PTPRG: variants seen among roughly 807,000 people sequenced by gnomAD.
PTPRG encodes receptor-type tyrosine-protein phosphatase gamma.
PTPRG carries 102 observed loss-of-function variants against 165.3 expected under a neutral mutation model. That is an observed-to-expected ratio of 0.62 (90% CI 0.53 to 0.73). The LOEUF is 0.73. PTPRG is among the 30% of genes least tolerant of loss of function. PTPRG has a pLI of 0.00. For synonymous variants in PTPRG, 675 were observed against 669.5 expected (o/e 1.01, Z -0.13); for missense variants, 1,866 against 1,861.4 (o/e 1.00, Z -0.05).
intron 3 of PTPRG, among the ~76,000 whole-genome samples, chr3:61,994,760 C>T (rs2040979685): frequency 6.6e-6 from 1 of 152,200 alleles, no homozygotes; most frequent in Admixed American, 6.5e-5. Flanking sequence ...TCTTAACAAC[C>T]TTGGTCACTT....
Position 62,238,505 on chromosome 3 carries a change from A to G in PTPRG, c.2376-5302A>G, listed in dbSNP as rs1449355737. Reference sequence around the variant, plus strand: ...CATAGAAACTGAAATTAATTTTCCTACCAGACAAGTATAGCAGTCCACAAG... The same window carrying G: ...CATAGAAACTGAAATTAATTTTCCTGCCAGACAAGTATAGCAGTCCACAAG... On this transcript the variant is annotated intron_variant, in intron 14 of 29. Transcript: ENST00000474889. Among the ~76,000 whole-genome samples the G allele has an allele frequency of 5.3e-5, 8 of 152,282 alleles. No individual in the cohort carries two copies. The East Asian group carries it at 1.5e-3, about 29-fold the overall frequency.
intron 4 of PTPRG, among the ~76,000 whole-genome samples, chr3:62,068,272 G>A (rs1272993703): frequency 6.6e-6 from 1 of 152,068 alleles, no homozygotes; most frequent in Non-Finnish European, 1.5e-5. Context: ...CAGGGGAAAG[G>A]GTAGGCAGGG....
At chr3:61,653,558 A>G (rs1363107322) in intron 1 of PTPRG, among the ~76,000 whole-genome samples, 1 of 152,130 alleles carries the variant, frequency 6.6e-6, no homozygotes, top group African/African-American at 2.4e-5. Context: ...GGTACCTTGG[A>G]TAGAACAGTG....
chr3:62,141,264 G>T (rs1703915256), intron 6 of PTPRG, among the ~76,000 whole-genome samples: 2 of 152,060 alleles, frequency 1.3e-5, no homozygotes, highest in African/African-American at 2.4e-5. Flanking sequence ...GAATCTAAGA[G>T]ATTCCATTTC....
intron 6 of PTPRG, among the ~76,000 whole-genome samples, chr3:62,133,072 A>T (rs932146650): frequency 2.6e-5 from 4 of 152,206 alleles, no homozygotes; most frequent in African/African-American, 9.6e-5. Flanking sequence ...AAGTTATTAA[A>T]CTTTGCAGCA....
chr3:61,797,572 T>C (rs1351258017), intron 2 of PTPRG, among the ~76,000 whole-genome samples: 1 of 139,780 alleles, frequency 7.2e-6, no homozygotes, highest in East Asian at 2.3e-4. Context: ...TGGAGTCATT[T>C]ATCTCCACAC....
chr3:61,667,756 T>C (rs1702849635), intron 1 of PTPRG, among the ~76,000 whole-genome samples: 1 of 150,650 alleles, frequency 6.6e-6, no homozygotes, highest in Non-Finnish European at 1.5e-5. Flanking sequence ...CTGGGAAACA[T>C]AGTGAGACTT....
intron 1 of PTPRG, among the ~76,000 whole-genome samples, chr3:61,710,633 A>G (rs1454371261): frequency 6.6e-6 from 1 of 151,746 alleles, no homozygotes; most frequent in Non-Finnish European, 1.5e-5. Flanking sequence ...TTTAAAGCTC[A>G]TTAGCTATTG....
chr3:61,676,903 G>C (rs947777985), intron 1 of PTPRG, among the ~76,000 whole-genome samples: 7 of 152,094 alleles, frequency 4.6e-5, no homozygotes, highest in African/African-American at 1.7e-4. Context: ...AGTATTATCT[G>C]TCCTGTGAGC....
chr3:62,074,348 CTTTCTTTTTTTTT>C (rs1208699698), intron 4 of PTPRG, among the ~76,000 whole-genome samples: 1 of 114,278 alleles, frequency 8.8e-6, no homozygotes, highest in Admixed American at 9.6e-5. Flanking sequence ...CTTTTCTTTT[CTTTCTTTTTTTTT>C]TTTTTTTTTT....
intron 1 of PTPRG, among the ~76,000 whole-genome samples, chr3:61,613,573 T>TGA (rs1701232251): frequency 6.6e-6 from 1 of 152,198 alleles, no homozygotes; most frequent in Admixed American, 6.5e-5. Context: ...CAATCTTTGA[T>TGA]GAGATTCAGG....
At chr3:62,007,233 T>G (rs1057481899) in intron 4 of PTPRG, among the ~76,000 whole-genome samples, 1 of 152,248 alleles carries the variant, frequency 6.6e-6, no homozygotes, top group African/African-American at 2.4e-5. Flanking sequence ...CCAGGAATTC[T>G]TTGAGGTCAT....
intron 1 of PTPRG, among the ~76,000 whole-genome samples, chr3:61,679,849 G>C (rs1703368217): frequency 6.6e-6 from 1 of 152,106 alleles, no homozygotes; most frequent in Non-Finnish European, 1.5e-5. Flanking sequence ...CCGGCCTGAG[G>C]TTCACAGGGT....
In PTPRG at chr3:62,218,942, C is replaced by G. The variant is rs376160752; in HGVS notation, c.2247C>G (p.Phe749Leu). The G allele has an allele frequency of 1.2e-6, 2 of 1,613,966 alleles. No individual in the cohort carries two copies. The highest frequency in any genetic ancestry group is 1.3e-5 in the African/African-American group (1 of 74,916). Reference protein sequence around the residue: ...IPLIVVSALTFVCLILLIAVL... With the variant: ...IPLIVVSALTLVCLILLIAVL... Reference sequence around the variant, plus strand: ...TGATTGTGGTATCAGCCTTGACCTTCGTGTGCCTCATCCTTCTCATTGCTG... The same window carrying G: ...TGATTGTGGTATCAGCCTTGACCTTGGTGTGCCTCATCCTTCTCATTGCTG... Residue 749 changes from phenylalanine (F) to leucine (L), a missense_variant, in exon 13 of 30, where the codon TTC becomes TTG. Coordinates refer to ENST00000474889, the MANE Select transcript of PTPRG (RefSeq NM_002841.4).
chr3:62,231,956 G>T (rs545147896), intron 14 of PTPRG, among the ~76,000 whole-genome samples: 54 of 152,194 alleles, frequency 3.5e-4, no homozygotes, highest in Non-Finnish European at 6.9e-4. Flanking sequence ...CCACACTTGA[G>T]TCTCTTGATA....
intron 13 of PTPRG, among the ~76,000 whole-genome samples, chr3:62,230,267 A>C (rs1700865025): frequency 6.6e-6 from 1 of 152,208 alleles, no homozygotes; most frequent in Non-Finnish European, 1.5e-5. Context: ...AACACTCCAG[A>C]ATTAGAGGAT....
intron 1 of PTPRG, among the ~76,000 whole-genome samples, chr3:61,733,974 T>A (rs925197400): frequency 6.6e-6 from 1 of 152,144 alleles, no homozygotes; most frequent in African/African-American, 2.4e-5. Flanking sequence ...ATTTTTGTAT[T>A]TTTTGTAGAG....
chr3:61,620,635 T>C (rs2106898323), intron 1 of PTPRG, among the ~76,000 whole-genome samples: 1 of 152,262 alleles, frequency 6.6e-6, no homozygotes, highest in South Asian at 2.1e-4. Context: ...TACTTTTTTT[T>C]TTCTTTTTTG....
At chr3:61,874,967 T>C (rs1283833033) in intron 2 of PTPRG, among the ~76,000 whole-genome samples, 1 of 152,164 alleles carries the variant, frequency 6.6e-6, no homozygotes. Flanking sequence ...ACCTGTTAAG[T>C]CCCACGTAGT....
Sources: allele counts gnomAD v4.1 joint callset (sites outside exome capture counted in the v4.1 genomes callset), GRCh38; gene constraint gnomAD v4.1.1; transcripts MANE v1.5; gene names NCBI Gene and HGNC (gene_info 2026-07-23, HGNC 2026-07-21).